The following CTNNA3 variants were observed in gnomAD, a reference collection of about 807,000 sequenced individuals.
CTNNA3 encodes the protein catenin alpha 3, also known as catenin alpha-3.
CTNNA3 carries 76 observed loss-of-function variants against 95.7 expected under a neutral mutation model. That is an observed-to-expected ratio of 0.79 (90% CI 0.66 to 0.96). CTNNA3 has a LOEUF of 0.96. Among genes scored for constraint, CTNNA3 ranks in the 40% least tolerant of loss-of-function variants. The pLI, the probability that CTNNA3 is intolerant of heterozygous loss-of-function variation, is 0.00. For synonymous variants in CTNNA3, 431 were observed against 374.4 expected (o/e 1.15, Z -1.74); for missense variants, 1,191 against 1,089.8 (o/e 1.09, Z -1.31).
At chr10:66,053,659 T>A (rs537508160) in intron 15 of CTNNA3, among the ~76,000 whole-genome samples, 1 of 152,180 alleles carries the variant, frequency 6.6e-6, no homozygotes, top group South Asian at 2.1e-4. Context: ...TACATAATAG[T>A]TGTACACATT....
chr10:66,784,546 T>G (rs1840663294), intron 7 of CTNNA3, among the ~76,000 whole-genome samples: 1 of 152,178 alleles, frequency 6.6e-6, no homozygotes, highest in South Asian at 2.1e-4. Flanking sequence ...CCTTTTTTCT[T>G]CCATTGCCAG....
Position 67,306,316 on chromosome 10 carries a change from T to C in CTNNA3, c.580-86446A>G, listed in dbSNP as rs546822575. 2.6e-5 allele frequency among the ~76,000 whole-genome samples: 4 copies of C among 152,284 alleles called. No homozygotes were observed. In the South Asian group the frequency reaches 8.3e-4, roughly 32 times the overall value. On this transcript the variant is annotated intron_variant, in intron 5 of 17. Coordinates refer to ENST00000433211, the MANE Select transcript of CTNNA3 (RefSeq NM_013266.4). ...ATACCAGACATTGGGGTATATTGAG[T>C]AAGAGACACTACTGACACAAAATGT...
In CTNNA3 at chr10:67,543,933, A is replaced by G. The variant is rs556271253; in HGVS notation, c.293-4264T>C. Among the ~76,000 whole-genome samples the G allele has an allele frequency of 1.1e-4, 17 of 152,208 alleles. No homozygotes were observed. The East Asian group carries it at 2.1e-3, about 19-fold the overall frequency. On this transcript the variant is annotated intron_variant, in intron 3 of 17. Coordinates refer to ENST00000433211, the MANE Select transcript of CTNNA3 (RefSeq NM_013266.4). Reference sequence around the variant, plus strand: ...GACCTCAATTCGATCCTAAACTTACACAGATGTTAAAAAAAAATAGTAAAG... The same window carrying G: ...GACCTCAATTCGATCCTAAACTTACGCAGATGTTAAAAAAAAATAGTAAAG...
At chr10:66,871,761 A>G (rs1844419083) in intron 7 of CTNNA3, among the ~76,000 whole-genome samples, 1 of 152,176 alleles carries the variant, frequency 6.6e-6, no homozygotes. Context: ...AGGAGAACTC[A>G]TCAATAACTG....
intron 7 of CTNNA3, among the ~76,000 whole-genome samples, chr10:67,003,168 T>C (rs1298128935): frequency 6.6e-6 from 1 of 152,182 alleles, no homozygotes. Flanking sequence ...CTTACCAGGA[T>C]GCCTGCTGAA....
intron 9 of CTNNA3, among the ~76,000 whole-genome samples, chr10:66,682,669 T>G (rs889207165): frequency 6.6e-6 from 1 of 152,100 alleles, no homozygotes; most frequent in Non-Finnish European, 1.5e-5. Flanking sequence ...TTTCTTTCTT[T>G]TTTCTTTTTC....
chr10:66,529,517 A>G (rs112018001), intron 10 of CTNNA3, among the ~76,000 whole-genome samples: 2 of 150,714 alleles, frequency 1.3e-5, no homozygotes, highest in African/African-American at 4.9e-5. Flanking sequence ...CAACTGCAAT[A>G]TTTTTATTCT....
In CTNNA3 at chr10:67,011,146, G is replaced by A. The variant is rs1420772731; in HGVS notation, c.1047+169171C>T. 2.6e-5 allele frequency among the ~76,000 whole-genome samples: 4 copies of A among 151,972 alleles called. No individual in the cohort carries two copies. The East Asian group carries it at 5.8e-4, about 22-fold the overall frequency. On this transcript the variant is annotated intron_variant, in intron 7 of 17. Coordinates refer to ENST00000433211, the MANE Select transcript of CTNNA3 (RefSeq NM_013266.4). ...GGGTCAAGACCATCCTGGCTAACAC[G>A]GTGAAACCCCGTCTCTACTAAAAAT... is the stretch of plus-strand genomic sequence containing the variant.
chr10:67,221,975 C>T (rs1365340898), intron 5 of CTNNA3, among the ~76,000 whole-genome samples: 4 of 152,040 alleles, frequency 2.6e-5, no homozygotes, highest in African/African-American at 9.7e-5. Context: ...ATTATTAGTC[C>T]TATTTTAACT....
At chr10:67,506,963 C>A (rs565280232) in intron 5 of CTNNA3, among the ~76,000 whole-genome samples, 1 of 152,102 alleles carries the variant, frequency 6.6e-6, no homozygotes. Flanking sequence ...TTCTTCAGCT[C>A]CCTGTACCTT....
rs1453819579 is a variant in CTNNA3 at position 67,665,957 on chromosome 10, C to T, written c.-5-18439G>A. On this transcript the variant is annotated intron_variant, in intron 1 of 17. Coordinates refer to ENST00000433211, the MANE Select transcript of CTNNA3 (RefSeq NM_013266.4). Reference sequence around the variant, plus strand: ...GTAGAAAGAAAAAATATAAAACAGGCATGTTATATGATACTTCCCTGAAGC... The same window carrying T: ...GTAGAAAGAAAAAATATAAAACAGGTATGTTATATGATACTTCCCTGAAGC... Among the ~76,000 whole-genome samples, 5 of 152,230 alleles carry T rather than the reference C, an allele frequency of 3.3e-5. No individual in the cohort carries two copies. In the East Asian group the frequency reaches 9.6e-4, roughly 29 times the overall value.
intron 12 of CTNNA3, among the ~76,000 whole-genome samples, chr10:66,360,616 TTTC>T: frequency 4.0e-5 from 1 of 24,922 alleles, no homozygotes; most frequent in African/African-American, 9.2e-5. Context: ...TCTTTCTTTC[TTTC>T]TTTCTTTCTT....
rs57316460 is a variant in CTNNA3, at chr10:67,688,218, A to G, written c.-6+7782T>C. 0.033 allele frequency among the ~76,000 whole-genome samples: 5,042 copies of G among 152,152 alleles called. 605 individuals carry two copies. In the East Asian group the frequency reaches 0.44, roughly 13 times the overall value. ...ATCAGAGAGGGAGAAGGGGACATGT[A>G]CCCGGGTTGGGCCAAATTCCCCTCC... On this transcript the variant is annotated intron_variant, in intron 1 of 17. Transcript: ENST00000433211.
intron 5 of CTNNA3, among the ~76,000 whole-genome samples, chr10:67,305,358 G>GTAT (rs1205366825): frequency 4.1e-5 from 4 of 98,572 alleles, no homozygotes; most frequent in Non-Finnish European, 5.5e-5. Flanking sequence ...AAAACTTAGA[G>GTAT]TATAATAAAA....
At chr10:66,583,587 T>C (rs928998711) in intron 10 of CTNNA3, among the ~76,000 whole-genome samples, 1 of 151,718 alleles carries the variant, frequency 6.6e-6, no homozygotes, top group African/African-American at 2.4e-5. Flanking sequence ...GTCTTGGTTT[T>C]AATCTACCTA....
At chr10:67,202,031 A>G (rs564878446) in intron 6 of CTNNA3, among the ~76,000 whole-genome samples, 3 of 152,212 alleles carry the variant, frequency 2.0e-5, no homozygotes, top group Non-Finnish European at 2.9e-5. Flanking sequence ...ATAAAAACTA[A>G]TATGTTGGCA....
chr10:66,283,651 T>C (rs1211443120), intron 12 of CTNNA3, among the ~76,000 whole-genome samples: 1 of 151,896 alleles, frequency 6.6e-6, no homozygotes, highest in Non-Finnish European at 1.5e-5. Context: ...CAGAAGCAAA[T>C]GTTTAATTTC....
intron 15 of CTNNA3, among the ~76,000 whole-genome samples, chr10:66,024,205 C>T (rs1393280381): frequency 6.6e-6 from 1 of 151,132 alleles, no homozygotes; most frequent in African/African-American, 2.4e-5. Context: ...TTCTCCTACG[C>T]CAGCCTCTCA....
intron 12 of CTNNA3, among the ~76,000 whole-genome samples, chr10:66,315,648 C>T (rs2092091024): frequency 6.6e-6 from 1 of 152,082 alleles, no homozygotes; most frequent in East Asian, 1.9e-4. Context: ...TTGCTTATTT[C>T]TCAGGCCAGA....
Sources: allele counts gnomAD v4.1 joint callset (sites outside exome capture counted in the v4.1 genomes callset), GRCh38; gene constraint gnomAD v4.1.1; transcripts MANE v1.5; gene names NCBI Gene and HGNC (gene_info 2026-07-23, HGNC 2026-07-21).